Variants in CNTN6 observed in about 807,000 individuals in gnomAD.
CNTN6 encodes contactin 6.
A neutral mutation model predicts 122.8 loss-of-function variants in CNTN6; 137 were observed. The ratio of observed to expected loss-of-function variants is 1.12; its 90% CI spans 0.97 to 1.29. CNTN6 has a LOEUF of 1.29. Ranked by LOEUF, CNTN6 falls within the 50% of genes most tolerant of loss-of-function variation. CNTN6 has a pLI of 0.00. For synonymous variants in CNTN6, 570 were observed against 426.0 expected (o/e 1.34, Z -4.16); for missense variants, 1,634 against 1,223.4 (o/e 1.34, Z -5.01).
At chr3:1,178,005 A>G (rs1265938278) in intron 2 of CNTN6, among the ~76,000 whole-genome samples, 3 of 151,410 alleles carry the variant, frequency 2.0e-5, no homozygotes, top group East Asian at 2.0e-4. Context: ...GATTCAAGCA[A>G]TTCTCCTGCC....
At chr3:1,131,247 G>T (rs1004014723) in intron 1 of CNTN6, among the ~76,000 whole-genome samples, 14 of 152,032 alleles carry the variant, frequency 9.2e-5, no homozygotes, top group African/African-American at 3.4e-4. Context: ...AGTAAGTAGG[G>T]TGTTAATTAT....
At chr3:1,314,995 C>A (rs1699894748) in intron 7 of CNTN6, among the ~76,000 whole-genome samples, 1 of 151,786 alleles carries the variant, frequency 6.6e-6, no homozygotes, top group Non-Finnish European at 1.5e-5. Context: ...TGCATCCAAG[C>A]TCAATTTTTG....
intron 2 of CNTN6, among the ~76,000 whole-genome samples, chr3:1,168,283 G>A (rs1401456160): frequency 1.3e-5 from 2 of 150,946 alleles, no homozygotes; most frequent in Non-Finnish European, 2.9e-5. Context: ...ATGAATGAAA[G>A]TAATTTATTT....
At position 1,338,467 on chromosome 3, in the gene CNTN6, G is replaced by C. The variant is rs1703413771; in HGVS notation, c.1364+8532G>C. On this transcript the variant is annotated intron_variant, in intron 11 of 22. Coordinates refer to ENST00000446702, the MANE Select transcript of CNTN6 (RefSeq NM_001289080.2). ...TTGAATACCACCTAGAGGAGCACTG[G>C]TTTGGTGCACACATATCTACTTAGA... 2.6e-5 allele frequency among the ~76,000 whole-genome samples: 4 copies of C among 152,234 alleles called. No homozygotes were observed. The South Asian group carries it at 8.3e-4, about 32-fold the overall frequency.
chr3:1,281,723 C>T (rs1467900921), intron 5 of CNTN6, among the ~76,000 whole-genome samples: 1 of 152,136 alleles, frequency 6.6e-6, no homozygotes, highest in Non-Finnish European at 1.5e-5. Context: ...CAGGCGTGAG[C>T]CATCGGGCGC....
In CNTN6 at chr3:1,202,409, G is replaced by A. The variant is rs976190153; in HGVS notation, c.56-18278G>A. On this transcript the variant is annotated intron_variant, in intron 2 of 22. Transcript: ENST00000446702. The stretch of plus-strand genomic sequence containing the variant: ...CAAGAAATCAGCCGGGCGTGGTGGC[G>A]GGCGCCTGTAGTCCCAGCTACTCGG... Among the ~76,000 whole-genome samples the A allele has an allele frequency of 7.5e-5, 9 of 119,460 alleles. No homozygotes were observed. In the South Asian group the frequency reaches 1.1e-3, roughly 15 times the overall value. The allele number at this position is 119,460 out of a possible 152,430, so 78.4% of individuals were successfully genotyped here. A position where few individuals can be genotyped will look rare whatever the true frequency, so the allele number is the denominator to read the frequency against.
At chr3:1,246,214 T>C (rs59413689) in intron 4 of CNTN6, among the ~76,000 whole-genome samples, 7,702 of 152,218 alleles carry the variant, frequency 0.051, 309 homozygotes, top group East Asian at 0.15. Flanking sequence ...ACATCCTCCT[T>C]CTGCCTCAAA....
At chr3:1,403,166 T>A (rs1421531937) in intron 22 of CNTN6, 152 bp from the exon 23 acceptor site, 1 of 551,300 alleles carries the variant, frequency 1.8e-6, no homozygotes, top group Admixed American at 3.3e-5. Flanking sequence ...GGTAAGGCAC[T>A]TTCTAAAATT....
chr3:1,280,459 A>ATTTTTTTTTTTTGT (rs1693178233), intron 5 of CNTN6, among the ~76,000 whole-genome samples: 1 of 66,652 alleles, frequency 1.5e-5, no homozygotes, highest in Non-Finnish European at 2.7e-5. Flanking sequence ...TGTAATACCA[A>ATTTTTTTTTTTTGT]TTTTTTTTTT....
chr3:1,248,517 G>A (rs1559606715), intron 4 of CNTN6, among the ~76,000 whole-genome samples: 1 of 152,126 alleles, frequency 6.6e-6, no homozygotes, highest in Non-Finnish European at 1.5e-5. Flanking sequence ...TCAGAGAAGT[G>A]AAGTAATGTG....
At chr3:1,315,038 A>G (rs1267481312) in intron 7 of CNTN6, among the ~76,000 whole-genome samples, 2 of 151,862 alleles carry the variant, frequency 1.3e-5, no homozygotes, top group African/African-American at 4.8e-5. Flanking sequence ...GTAAAATTGG[A>G]GTTTAAAGGG....
intron 2 of CNTN6, among the ~76,000 whole-genome samples, chr3:1,173,618 A>C (rs2093398962): frequency 6.6e-6 from 1 of 152,086 alleles, no homozygotes; most frequent in African/African-American, 2.4e-5. Flanking sequence ...TTCTGTTGAG[A>C]TTATTTTTTT....
intron 11 of CNTN6, among the ~76,000 whole-genome samples, chr3:1,350,577 A>G (rs768951397): frequency 6.6e-6 from 1 of 151,896 alleles, no homozygotes; most frequent in African/African-American, 2.4e-5. Context: ...TTTAGCAAAC[A>G]TTGAAGACCT....
chr3:1,178,813 C>G lies in CNTN6; in HGVS notation c.55+30750C>G, dbSNP rs192441572. The stretch of plus-strand genomic sequence containing the variant: ...TGCACTCTACCACTGGCTTCCACTT[C>G]CTTTGGTTATACTTGTGTTTAGAGT... On this transcript the variant is annotated intron_variant, in intron 2 of 22. Transcript: ENST00000446702. Among the ~76,000 whole-genome samples, 615 of 152,240 alleles carry G rather than the reference C, an allele frequency of 4.0e-3. 2 individuals are homozygous for G. Among genetic ancestry groups the G allele is most frequent in the Middle Eastern group, 0.014 (4 of 294 alleles).
intron 2 of CNTN6, among the ~76,000 whole-genome samples, chr3:1,200,663 CAT>C (rs1265423207): frequency 6.6e-6 from 1 of 152,092 alleles, no homozygotes; most frequent in East Asian, 1.9e-4. Flanking sequence ...AGAATTTGGA[CAT>C]GTTTTCCAAA....
chr3:1,134,139 C>T (rs1204314313), intron 1 of CNTN6, among the ~76,000 whole-genome samples: 1 of 152,116 alleles, frequency 6.6e-6, no homozygotes, highest in Admixed American at 6.6e-5. Flanking sequence ...GACCATATAA[C>T]GTCTATGTGC....
chr3:1,349,215 C>A (rs1705235243), intron 11 of CNTN6, among the ~76,000 whole-genome samples: 1 of 151,868 alleles, frequency 6.6e-6, no homozygotes, highest in Non-Finnish European at 1.5e-5. Flanking sequence ...AGTATAACTT[C>A]AACCTTAAAT....
intron 7 of CNTN6, among the ~76,000 whole-genome samples, chr3:1,318,202 G>A (rs1172668055): frequency 6.6e-6 from 1 of 151,720 alleles, no homozygotes; most frequent in Non-Finnish European, 1.5e-5. Context: ...TAAGTCTCAT[G>A]TCTCTTGCGT....
chr3:1,321,781 T>G lies in CNTN6; in HGVS notation c.893T>G (p.Ile298Ser), dbSNP rs1278222958. Residue 298 changes from isoleucine (I) to serine (S), a missense_variant, in exon 8 of 23, where the codon ATT becomes AGT. Transcript: ENST00000446702. ...GAAGATGAAGGCTTTTATGAGTGCA[T>G]TGCAAGCAACCTTCGAGGAAGAAAC... ...QQEDEGFYECIASNLRGRNLA... is the reference protein window; with the variant it reads ...QQEDEGFYECSASNLRGRNLA... 5 of 1,611,360 alleles carry G rather than the reference T, an allele frequency of 3.1e-6. No individual in the cohort carries two copies. The highest frequency in any genetic ancestry group is 4.2e-6 in the Non-Finnish European group (5 of 1,178,460).
Sources: allele counts gnomAD v4.1 joint callset (sites outside exome capture counted in the v4.1 genomes callset), GRCh38; gene constraint gnomAD v4.1.1; transcripts MANE v1.5; gene names NCBI Gene and HGNC (gene_info 2026-07-23, HGNC 2026-07-21).